The following RGS12 variants were observed in gnomAD, a reference collection of about 807,000 sequenced individuals.
RGS12 encodes regulator of G protein signaling 12.
A neutral mutation model predicts 120.1 loss-of-function variants in RGS12; 66 were observed. That is an observed-to-expected ratio of 0.55 (90% CI 0.45 to 0.67). The LOEUF (loss-of-function observed/expected upper bound fraction) is 0.67. Among genes scored for constraint, RGS12 ranks in the 30% least tolerant of loss-of-function variants. The probability of loss-of-function intolerance (pLI) is 0.00; values close to 1 mark genes in which losing one functional copy is unlikely to be tolerated. For synonymous variants in RGS12, 827 were observed against 804.7 expected, an observed-to-expected ratio of 1.03 and a Z score of -0.47; for missense variants, 1,859 against 1,957.7, an observed-to-expected ratio of 0.95 and a Z score of 0.95.
At chr4:3,411,808 C>T (rs1434543119) in intron 4 of RGS12, among the ~76,000 whole-genome samples, 2 of 152,280 alleles carry the variant, frequency 1.3e-5, no homozygotes, top group African/African-American at 4.8e-5. Flanking sequence ...GAGGGAGCCT[C>T]ACATGGCCCC....
At chr4:3,425,630 C>G in intron 14 of RGS12, 70 bp downstream of exon 14, 1 of 874,730 alleles carries the variant, frequency 1.1e-6, no homozygotes, top group Non-Finnish European at 1.6e-6. Context: ...GGCTATGGAG[C>G]CGGTGCAGGG....
chr4:3,352,798 C>G (rs1247459220), intron 3 of RGS12, among the ~76,000 whole-genome samples: 1 of 152,132 alleles, frequency 6.6e-6, no homozygotes, highest in African/African-American at 2.4e-5. Flanking sequence ...GTCTTGTTAT[C>G]AGGCATTTGA....
rs1222235807 is a variant in RGS12, at chr4:3,293,813, C to CAGAGAGGGGGCCCAGAGCT, written c.-102+714_-102+715insAGAGAGGGGGCCCAGAGCT. On this transcript the variant is annotated intron_variant, in intron 1 of 17. Coordinates refer to ENST00000336727, the MANE Select transcript of RGS12 (RefSeq NM_001394154.1). Reference sequence around the variant, plus strand: ...TGTGGACAGAGAGGGGGCCCAGAGCCGTGGAGTGTAGACCGAGAGGGGGCC... The same window carrying CAGAGAGGGGGCCCAGAGCT: ...TGTGGACAGAGAGGGGGCCCAGAGCCAGAGAGGGGGCCCAGAGCTGTGGAGTGTAGACCGAGAGGGGGCC... Among the ~76,000 whole-genome samples the CAGAGAGGGGGCCCAGAGCT allele has an allele frequency of 8.3e-3, 1,099 of 131,742 alleles. 19 individuals carry two copies. Among genetic ancestry groups the CAGAGAGGGGGCCCAGAGCT allele is most frequent in the Middle Eastern group, 0.034 (8 of 234 alleles). 86.4% of individuals were successfully genotyped at this position (131,742 alleles called of 152,430 possible).
At chr4:3,296,995 A>G (rs1362977365) in intron 1 of RGS12, among the ~76,000 whole-genome samples, 1 of 152,192 alleles carries the variant, frequency 6.6e-6, no homozygotes, top group South Asian at 2.1e-4. Flanking sequence ...AGTTGCCTAG[A>G]TTCTTCCATG....
Position 3,317,880 on chromosome 4 carries a change from C to T in RGS12, c.1710C>T (p.Gly570=), listed in dbSNP as rs2110410030. 6.2e-7 allele frequency: 1 copy of T among 1,613,786 alleles called. No homozygotes were observed. Among genetic ancestry groups the T allele is most frequent in the East Asian group, 2.2e-5 (1 of 44,868 alleles). ...ATGGCTGGTCCAGCATCAACTGCGG[C>T]ACACTGCCCCCTCCTATGAGCAAGA... ...STDGWSSINC[G]TLPPPMSKIP... is the part of the protein sequence containing the mutation. The change falls in exon 2 of 18, where the codon GGC becomes GGT. Residue 570 remains glycine (G), a synonymous_variant. Transcript: ENST00000336727.
intron 3 of RGS12, among the ~76,000 whole-genome samples, chr4:3,369,358 T>C (rs1716732081): frequency 6.6e-6 from 1 of 152,214 alleles, no homozygotes; most frequent in Non-Finnish European, 1.5e-5. Flanking sequence ...GGAATGCTCA[T>C]GTTCCTCCAC....
At chr4:3,430,281 T>C in intron 16 of RGS12, 126 bp from the exon 17 acceptor site, 1 of 829,040 alleles carries the variant, frequency 1.2e-6, no homozygotes, top group South Asian at 1.7e-5. Flanking sequence ...AAAAGGGCTC[T>C]TGTTGACCCA....
At chr4:3,423,213 G>A (rs1302092361) in intron 12 of RGS12, among the ~76,000 whole-genome samples, 2 of 152,198 alleles carry the variant, frequency 1.3e-5, no homozygotes, top group Admixed American at 6.5e-5. Context: ...CTGGCCTGGT[G>A]AGCCCAGCCC....
intron 3 of RGS12, chr4:3,386,002 G>C (rs1718805682): frequency 4.7e-6 from 1 of 213,762 alleles, no homozygotes; most frequent in South Asian, 9.1e-5. Context: ...GTGGACTGTT[G>C]GTGGCTGCCC....
At chr4:3,313,031 AATG>A (rs1724507784) in intron 1 of RGS12, 1 of 152,326 alleles carries the variant, frequency 6.6e-6, no homozygotes, top group African/African-American at 2.4e-5. Context: ...CAGTCTGGGC[AATG>A]GAGTGAGACC....
chr4:3,381,571 G>C (rs1718259468), intron 3 of RGS12, among the ~76,000 whole-genome samples: 2 of 152,192 alleles, frequency 1.3e-5, no homozygotes, highest in Non-Finnish European at 2.9e-5. Flanking sequence ...TCTTCACATG[G>C]TGGCAGTAGA....
Position 3,316,644 on chromosome 4 carries a change from G to A in RGS12, c.474G>A (p.Ala158=), listed in dbSNP as rs753105172. ...TTTTTGAAAACCCGAGCCTTTGTGC[G>A]AGCAATTCAGAGCCCTTGAAATTGA... ...NMIFENPSLC[A]SNSEPLKLKQ... Residue 158 remains alanine, a synonymous_variant, in exon 2 of 18, where the codon GCG becomes GCA. Coordinates refer to ENST00000336727, the MANE Select transcript of RGS12 (RefSeq NM_001394154.1). The A allele has an allele frequency of 8.1e-6, 13 of 1,613,992 alleles. No homozygotes were observed. In the Admixed American group the frequency reaches 8.3e-5, roughly 10 times the overall value.
rs563966122 is a variant in RGS12 at position 3,439,669 on chromosome 4, C to T, written c.4329C>T (p.His1443=). ...CTAAGCCCAAGACCAGCGCTCACCACGCCACCTTCGTCTGAGCTGCCCTGG... is the reference window on the plus strand; with the variant it reads ...CTAAGCCCAAGACCAGCGCTCACCATGCCACCTTCGTCTGAGCTGCCCTGG... ...EPAKPKTSAH[H]ATFV Residue 1443 remains histidine (H), a synonymous_variant, in exon 18 of 18, where the codon CAC becomes CAT. Transcript: ENST00000336727. The T allele has an allele frequency of 3.8e-5, 58 of 1,537,622 alleles. No homozygotes were observed. In the South Asian group the frequency reaches 6.5e-4, roughly 17 times the overall value.
intron 3 of RGS12, among the ~76,000 whole-genome samples, chr4:3,383,601 C>CA (rs112353778): frequency 0.24 from 34,800 of 145,004 alleles, 4,614 homozygotes; most frequent in South Asian, 0.43. Context: ...GCGAGACTGT[C>CA]AAAAAAAAAA....
rs1716200153 is a variant in RGS12 at position 3,365,406 on chromosome 4, G to A, written c.1999-21010G>A. On this transcript the variant is annotated intron_variant, in intron 3 of 17. Coordinates refer to ENST00000336727, the MANE Select transcript of RGS12 (RefSeq NM_001394154.1). The surrounding 1 kb of genome is among the most constrained non-coding windows in gnomAD (Gnocchi z 4.0). ...GGAGGGAGGACAGGTCTTGAGGGAG[G>A]GAGGAGGGAGGGAGGTGGCAGGAGC... Among the ~76,000 whole-genome samples the A allele has an allele frequency of 6.6e-6, 1 of 152,028 alleles. No homozygotes were observed. The highest frequency in any genetic ancestry group is 2.1e-4 in the South Asian group (1 of 4,810).
intron 3 of RGS12, among the ~76,000 whole-genome samples, chr4:3,371,973 G>A (rs1717053017): frequency 6.6e-6 from 1 of 152,170 alleles, no homozygotes; most frequent in Admixed American, 6.5e-5. Context: ...TCCACTTGGA[G>A]AGAATGGAGG....
intron 3 of RGS12, 64 bp downstream of exon 3, chr4:3,343,117 C>T: frequency 1.7e-6 from 2 of 1,206,062 alleles, no homozygotes; most frequent in Admixed American, 3.6e-5. Flanking sequence ...GTCCACCTTG[C>T]AGATACGTCT....
At chr4:3,308,272 CAT>C (rs893961697) in intron 1 of RGS12, among the ~76,000 whole-genome samples, 8 of 152,274 alleles carry the variant, frequency 5.3e-5, no homozygotes, top group South Asian at 2.1e-4. Context: ...GAAAGAAACA[CAT>C]GTGACGATCT....
rs987425561 is a variant in RGS12, at chr4:3,372,985, G to A, written c.1999-13431G>A. Among the ~76,000 whole-genome samples, 2 of 152,234 alleles carry A rather than the reference G, an allele frequency of 1.3e-5. No individual in the cohort carries two copies. Among genetic ancestry groups the A allele is most frequent in the African/African-American group, 4.8e-5 (2 of 41,466 alleles). On this transcript the variant is annotated intron_variant, in intron 3 of 17. Transcript: ENST00000336727. The surrounding 1 kb of genome is among the most constrained non-coding windows in gnomAD (Gnocchi z 4.3). The stretch of plus-strand genomic sequence containing the variant: ...GCTGAGGAAGGGCAGGAGGGAGGAG[G>A]CGTGGGAGCTGGTGCAGTCTGCGGC...
Sources: allele counts gnomAD v4.1 joint callset (sites outside exome capture counted in the v4.1 genomes callset), GRCh38; gene constraint gnomAD v4.1.1; non-coding constraint Gnocchi (gnomAD v3.1); transcripts MANE v1.5; gene names NCBI Gene and HGNC (gene_info 2026-07-23, HGNC 2026-07-21).